Variants in CACNA2D3 observed in about 807,000 individuals in gnomAD.
CACNA2D3 encodes the protein voltage-dependent calcium channel subunit alpha-2/delta-3.
In CACNA2D3, 60 loss-of-function variants were observed where a neutral mutation model predicts 160.6. The ratio of observed to expected loss-of-function variants is 0.37; its 90% confidence interval spans 0.30 to 0.46. CACNA2D3 has a LOEUF of 0.46. Among genes scored for constraint, CACNA2D3 ranks in the 20% least tolerant of loss-of-function variants. CACNA2D3 has a pLI of 1.00. For synonymous variants in CACNA2D3, 558 were observed against 492.9 expected, an observed-to-expected ratio of 1.13 and a Z score of -1.75; for missense variants, 1,205 against 1,365.0, an observed-to-expected ratio of 0.88 and a Z score of 1.85.
At chr3:54,256,498 G>A (rs1702296375) in intron 2 of CACNA2D3, among the ~76,000 whole-genome samples, 1 of 152,156 alleles carries the variant, frequency 6.6e-6, no homozygotes, top group Non-Finnish European at 1.5e-5. Flanking sequence ...GGCAGACCCT[G>A]ATTATAAATC....
rs563220490 is a variant in CACNA2D3, at chr3:54,942,626, C to T, written c.2450-25824C>T. ...AGCAGGAGCCAGGCATACTGGTTCA[C>T]GCCTGTAATTCCAGCAGCTTGGGAG... On this transcript the variant is annotated intron_variant, in intron 27 of 37. Transcript: ENST00000474759. 5.3e-5 allele frequency among the ~76,000 whole-genome samples: 8 copies of T among 152,078 alleles called. No individual in the cohort carries two copies. In the South Asian group the frequency reaches 6.2e-4, roughly 12 times the overall value.
At chr3:54,128,644 G>A (rs1200758112) in intron 2 of CACNA2D3, among the ~76,000 whole-genome samples, 2 of 152,162 alleles carry the variant, frequency 1.3e-5, no homozygotes, top group Non-Finnish European at 2.9e-5. Flanking sequence ...TGTCAGACAT[G>A]AGCAGCAGCT....
chr3:54,631,546 G>A (rs114482736), intron 10 of CACNA2D3, among the ~76,000 whole-genome samples: 1,896 of 151,722 alleles, frequency 0.012, 32 homozygotes, highest in African/African-American at 0.043. Flanking sequence ...ACATATACAC[G>A]CACACACACA....
At chr3:55,041,701 A>G (rs1007730395) in intron 35 of CACNA2D3, among the ~76,000 whole-genome samples, 6 of 150,904 alleles carry the variant, frequency 4.0e-5, no homozygotes, top group African/African-American at 1.5e-4. Flanking sequence ...GATTTCTTCT[A>G]TTTTCTTTGG....
At chr3:54,169,694 C>T (rs868567296) in intron 2 of CACNA2D3, among the ~76,000 whole-genome samples, 2 of 129,242 alleles carry the variant, frequency 1.5e-5, no homozygotes, top group Non-Finnish European at 3.5e-5. Flanking sequence ...TATGTGTGTG[C>T]ATGTGTGTGT....
intron 13 of CACNA2D3, among the ~76,000 whole-genome samples, chr3:54,778,984 G>A (rs1268903980): frequency 6.6e-6 from 1 of 152,148 alleles, no homozygotes; most frequent in East Asian, 1.9e-4. Flanking sequence ...ATGTGTCCAC[G>A]GTTTGAGGAG....
At chr3:54,931,123 C>A (rs1201629494) in intron 27 of CACNA2D3, among the ~76,000 whole-genome samples, 1 of 152,138 alleles carries the variant, frequency 6.6e-6, no homozygotes, top group Non-Finnish European at 1.5e-5. Flanking sequence ...AAAGTGGCAT[C>A]TCTTACTAGC....
intron 11 of CACNA2D3, among the ~76,000 whole-genome samples, chr3:54,678,497 C>T (rs1398670649): frequency 1.1e-4 from 16 of 151,676 alleles, no homozygotes; most frequent in Admixed American, 6.6e-4. Context: ...CCAAGGAGGG[C>T]GGATCATGAG....
intron 27 of CACNA2D3, among the ~76,000 whole-genome samples, chr3:54,913,549 T>C (rs142724937): frequency 1.3e-5 from 2 of 152,296 alleles, no homozygotes; most frequent in East Asian, 3.9e-4. Flanking sequence ...AGTAGAGCCA[T>C]AGATTATGAA....
intron 11 of CACNA2D3, among the ~76,000 whole-genome samples, chr3:54,717,301 C>T (rs1406579027): frequency 6.6e-6 from 1 of 152,186 alleles, no homozygotes; most frequent in East Asian, 1.9e-4. Context: ...TCCACATCTT[C>T]TGTTGCACAC....
At chr3:54,553,080 T>G (rs1157994971) in intron 5 of CACNA2D3, among the ~76,000 whole-genome samples, 1 of 152,168 alleles carries the variant, frequency 6.6e-6, no homozygotes, top group Non-Finnish European at 1.5e-5. Flanking sequence ...TCCTTGTCCC[T>G]CTGGTCCCAG....
In CACNA2D3 at chr3:54,473,035, TA is replaced by T. The variant is rs202160060; in HGVS notation, c.382-30454del. The stretch of plus-strand genomic sequence containing the variant: ...TTCCTAGAATTAGAAAAAACTACTT[TA>T]AATTTTGTGTGGAACCAAAAAAGAG... On this transcript the variant is annotated intron_variant, in intron 4 of 37. Coordinates refer to ENST00000474759, the MANE Select transcript of CACNA2D3 (RefSeq NM_018398.3). Among the ~76,000 whole-genome samples, 727 of 152,336 alleles carry T rather than the reference TA, an allele frequency of 4.8e-3. 4 individuals carry two copies. Among genetic ancestry groups the T allele is most frequent in the African/African-American group, 0.016 (669 of 41,578 alleles).
At chr3:54,832,351 A>G (rs1257534360) in intron 14 of CACNA2D3, among the ~76,000 whole-genome samples, 1 of 152,112 alleles carries the variant, frequency 6.6e-6, no homozygotes, top group East Asian at 1.9e-4. Flanking sequence ...CACACTCAGG[A>G]TGGGAGAGCT....
At position 54,809,311 on chromosome 3, in the gene CACNA2D3, C is replaced by CTTTTTTTTTTTTTTTTTTT. The variant is rs1217898723; in HGVS notation, c.1381-7524_1381-7523insTTTTTTTTTTTTTTTTTTT. 8.2e-4 allele frequency among the ~76,000 whole-genome samples: 66 copies of CTTTTTTTTTTTTTTTTTTT among 80,722 alleles called. 2 individuals are homozygous for CTTTTTTTTTTTTTTTTTTT. Among genetic ancestry groups the CTTTTTTTTTTTTTTTTTTT allele is most frequent in the Non-Finnish European group, 9.4e-4 (42 of 44,902 alleles). The allele number at this position is 80,722 out of a possible 152,430, so 53.0% of individuals were successfully genotyped here. A position where few individuals can be genotyped will look rare whatever the true frequency, so the allele number is the denominator to read the frequency against. ...TCTTTCTTTCCTTCCTTCCTTCTTT[C>CTTTTTTTTTTTTTTTTTTT]TTTTTTTTTTTTTTTTTTGAGACGG... On this transcript the variant is annotated intron_variant, in intron 13 of 37. Coordinates refer to ENST00000474759, the MANE Select transcript of CACNA2D3 (RefSeq NM_018398.3).
At chr3:54,938,115 C>G (rs1213229049) in intron 27 of CACNA2D3, among the ~76,000 whole-genome samples, 1 of 152,208 alleles carries the variant, frequency 6.6e-6, no homozygotes, top group Non-Finnish European at 1.5e-5. Context: ...CAAATCCTTT[C>G]TGCATGTGTC....
intron 3 of CACNA2D3, among the ~76,000 whole-genome samples, chr3:54,375,773 G>C (rs551940598): frequency 3.9e-5 from 6 of 152,098 alleles, no homozygotes; most frequent in Non-Finnish European, 7.4e-5. Flanking sequence ...AAAAGAATGG[G>C]ATCCAGGGCA....
At chr3:54,554,551 G>T (rs918980998) in intron 5 of CACNA2D3, among the ~76,000 whole-genome samples, 2 of 152,094 alleles carry the variant, frequency 1.3e-5, no homozygotes, top group African/African-American at 4.8e-5. Flanking sequence ...TAGTGAATGG[G>T]CCCTGGTGGT....
At chr3:54,220,207 G>A (rs1559886394) in intron 2 of CACNA2D3, among the ~76,000 whole-genome samples, 3 of 151,996 alleles carry the variant, frequency 2.0e-5, no homozygotes, top group Non-Finnish European at 2.9e-5. Context: ...ATTTCAGTCG[G>A]TCTGCTCTGA....
At chr3:55,050,833 T>A (rs1361513212) in intron 35 of CACNA2D3, among the ~76,000 whole-genome samples, 3 of 132,032 alleles carry the variant, frequency 2.3e-5, no homozygotes, top group East Asian at 4.0e-4. Flanking sequence ...AAACTTCCCT[T>A]CTCGCTTCAT....
Sources: gnomAD v4.1 joint callset for allele counts (sites outside exome capture counted in the v4.1 genomes callset) on GRCh38, gnomAD v4.1.1 for gene constraint, MANE v1.5 for transcripts, NCBI Gene and HGNC (gene_info 2026-07-23, HGNC 2026-07-21) for gene names.